SACS: variants seen among roughly 807,000 people sequenced by gnomAD.
SACS encodes sacsin.
A neutral mutation model predicts 348.0 loss-of-function variants in SACS; 197 were observed. The ratio of observed to expected loss-of-function variants is 0.57; its 90% CI spans 0.50 to 0.64. The LOEUF (loss-of-function observed/expected upper bound fraction) is 0.64, where lower values mean the gene tolerates loss of function less well. Among genes scored for constraint, SACS ranks in the 30% least tolerant of loss-of-function variants. The pLI, the probability that SACS is intolerant of heterozygous loss-of-function variation, is 0.00. For synonymous variants in SACS, 1,985 were observed against 1,910.6 expected (o/e 1.04, Z -1.02); for missense variants, 4,999 against 5,360.8 (o/e 0.93, Z 2.11).
intron 6 of SACS, among the ~76,000 whole-genome samples, chr13:23,360,426 C>G (rs964855716): frequency 4.0e-5 from 6 of 148,354 alleles, no homozygotes; most frequent in Admixed American, 6.7e-5. Flanking sequence ...AGTCACAACA[C>G]TGAACACCAG....
chr13:23,402,988 G>A (rs9550970), intron 2 of SACS, among the ~76,000 whole-genome samples: 58,308 of 151,478 alleles, frequency 0.38, 11,670 homozygotes, highest in East Asian at 0.55. Context: ...CAGCCTGGCC[G>A]ACATGATGAA....
intron 1 of SACS, chr13:23,428,788 C>G (rs940396733): frequency 1.1e-4 from 17 of 152,216 alleles, no homozygotes; most frequent in Non-Finnish European, 5.9e-5. Context: ...CTGAAAGTTG[C>G]TCAAGAATAT....
At position 23,341,174 on chromosome 13, in the gene SACS, T is replaced by C; in HGVS notation, c.2702A>G (p.Asp901Gly). Residue 901 changes from aspartate to glycine, a missense_variant, in exon 10 of 10, where the codon GAT becomes GGT. Coordinates refer to ENST00000382292, the MANE Select transcript of SACS (RefSeq NM_014363.6). ...QITSLLPTHK[D>G]ALRKFLASLT... is the part of the protein sequence containing the mutation. ...ACTAGCCAAGAACTTCCTCAGGGCA[T>C]CTTTGTGTGTTGGAAGTAGCGAAGT... 1 of 1,613,520 alleles carries C rather than the reference T, an allele frequency of 6.2e-7. No individual in the cohort carries two copies. The highest frequency in any genetic ancestry group is 8.5e-7 in the Non-Finnish European group (1 of 1,180,018).
At chr13:23,343,745 G>A (rs188287766) in intron 9 of SACS, among the ~76,000 whole-genome samples, 1 of 152,282 alleles carries the variant, frequency 6.6e-6, no homozygotes, top group Admixed American at 6.5e-5. Flanking sequence ...TCCCGCCTCA[G>A]GCTCTGGAAA....
intron 6 of SACS, among the ~76,000 whole-genome samples, chr13:23,360,611 C>G (rs747354143): frequency 2.0e-5 from 3 of 152,278 alleles, no homozygotes; most frequent in Middle Eastern, 3.4e-3. Context: ...GAAAACTGGA[C>G]AGCTGACCGC....
In SACS at chr13:23,362,783, G is replaced by A. The variant is rs567671168; in HGVS notation, c.457+2383C>T. 2.0e-5 allele frequency among the ~76,000 whole-genome samples: 3 copies of A among 151,696 alleles called. No homozygotes were observed. In the South Asian group the frequency reaches 6.3e-4, roughly 32 times the overall value. On this transcript the variant is annotated intron_variant, in intron 6 of 9. Coordinates refer to ENST00000382292, the MANE Select transcript of SACS (RefSeq NM_014363.6). ...GTATTTTTAGTAGAAACAGGGTTTC[G>A]CCATGTTGACCAGGCTGGTTTCAAA...
In SACS at chr13:23,336,169, C is replaced by T. The variant is rs1314339192; in HGVS notation, c.7707G>A (p.Gln2569=). 6.2e-7 allele frequency: 1 copy of T among 1,613,904 alleles called. No individual in the cohort carries two copies. Among genetic ancestry groups the T allele is most frequent in the Admixed American group, 1.7e-5 (1 of 60,002 alleles). ...TEICFVFDPR[Q]HPVDRIFDDK... ...CATCAAATATTCTATCAACTGGATG[C>T]TGTCTAGGATCAAACACAAAACAGA... Residue 2569 remains glutamine, a synonymous_variant, in exon 10 of 10, where the codon CAG becomes CAA. Transcript: ENST00000382292.
At position 23,354,881 on chromosome 13, in the gene SACS, G is replaced by C. The variant is rs757746157; in HGVS notation, c.1731C>G (p.Phe577Leu). The change falls in exon 8 of 10, where the codon TTC (phenylalanine) becomes TTG (leucine). Residue 577 changes from phenylalanine (F) to leucine (L), a missense_variant. Coordinates refer to ENST00000382292, the MANE Select transcript of SACS (RefSeq NM_014363.6). ...ATTCTAAATTTTCATCAAGTTCTGA[G>C]AAGTACACCTGCTCCAACCTGACCC... is the stretch of plus-strand genomic sequence containing the variant. ...CDWVRLEQVYFSELDENLEYT... is the reference protein window; with the variant it reads ...CDWVRLEQVYLSELDENLEYT... 14 of 1,614,196 alleles carry C rather than the reference G, an allele frequency of 8.7e-6. 1 individual carries two copies. In the South Asian group the frequency reaches 1.5e-4, roughly 18 times the overall value.
chr13:23,393,770 A>T (rs1160889389), intron 2 of SACS, among the ~76,000 whole-genome samples: 51 of 149,448 alleles, frequency 3.4e-4, no homozygotes, highest in African/African-American at 1.1e-3. Flanking sequence ...ATTTTTTTTT[A>T]TTTTTTTTGA....
chr13:23,375,465 T>C (rs1871715693), intron 2 of SACS, 196 bp from the exon 3 acceptor site: 3 of 1,169,788 alleles, frequency 2.6e-6, no homozygotes, highest in Non-Finnish European at 2.1e-6. Context: ...GAGGGCGGGA[T>C]CCGCATGGCG....
At chr13:23,395,270 C>T (rs950466066) in intron 2 of SACS, among the ~76,000 whole-genome samples, 6 of 152,242 alleles carry the variant, frequency 3.9e-5, no homozygotes, top group African/African-American at 1.4e-4. Flanking sequence ...GTCACTGAAA[C>T]CCCCCTTCTC....
At chr13:23,402,091 T>A (rs993210603) in intron 2 of SACS, among the ~76,000 whole-genome samples, 2 of 149,712 alleles carry the variant, frequency 1.3e-5, no homozygotes, top group African/African-American at 4.9e-5. Context: ...GGCAGGAGAA[T>A]GGCATGAACC....
At chr13:23,428,327 A>G (rs1047103666) in intron 1 of SACS, 1 of 152,246 alleles carries the variant, frequency 6.6e-6, no homozygotes, top group Non-Finnish European at 1.5e-5. Context: ...CGAAGTAATC[A>G]TCTCACTCTC....
intron 5 of SACS, 54 bp downstream of exon 5, chr13:23,368,348 C>G: frequency 6.8e-6 from 9 of 1,318,834 alleles, no homozygotes; most frequent in Non-Finnish European, 9.6e-6. Context: ...AGTAAATTTA[C>G]TTCATCTCAT....
intron 2 of SACS, among the ~76,000 whole-genome samples, chr13:23,403,407 A>G (rs568322726): frequency 3.3e-5 from 5 of 152,230 alleles, no homozygotes; most frequent in African/African-American, 9.6e-5. Flanking sequence ...GCAGGCTATT[A>G]ATTTCTGCCT....
In SACS at chr13:23,341,035, A is replaced by C; in HGVS notation, c.2841T>G (p.Cys947Trp). Residue 947 changes from cysteine to tryptophan, a missense_variant, in exon 10 of 10, where the codon TGT becomes TGG. Around this residue, in one of 6 missense-constraint regions of SACS, gnomAD observed 3,156 missense variants for 3,380.1 expected, o/e 0.93. Transcript: ENST00000382292. ...GTTTGGCAGTATGGTGTAAGACTTTACAACCTTTCAATTTTGTATAAGAGG... is the reference window on the plus strand; with the variant it reads ...GTTTGGCAGTATGGTGTAAGACTTTCCAACCTTTCAATTTTGTATAAGAGG... ...GISSYTKLKG[C>W]KVLHHTAKLP... 6.2e-7 allele frequency: 1 copy of C among 1,614,128 alleles called. No individual in the cohort carries two copies. Among genetic ancestry groups the C allele is most frequent in the South Asian group, 1.1e-5 (1 of 91,070 alleles).
At chr13:23,344,282 T>C (rs753928890) in intron 9 of SACS, among the ~76,000 whole-genome samples, 6 of 152,216 alleles carry the variant, frequency 3.9e-5, no homozygotes, top group Admixed American at 2.6e-4. Context: ...ATGCATTCCA[T>C]AGATAATCTT....
chr13:23,332,848 T>TG lies in SACS; in HGVS notation c.11027dup (p.Leu3677ThrfsTer19). On this transcript the variant is annotated frameshift_variant, in exon 10 of 10. Coordinates refer to ENST00000382292, the MANE Select transcript of SACS (RefSeq NM_014363.6). LOFTEE classifies it high-confidence loss of function. ...CTCCATTGAACTTTATAAGAGGAAG[T>TG]GTTCCATTTACCTCTTGATATTGAG... The TG allele has an allele frequency of 6.2e-7, 1 of 1,613,776 alleles. No homozygotes were observed. Among genetic ancestry groups the TG allele is most frequent in the Non-Finnish European group, 8.5e-7 (1 of 1,179,854 alleles).
chr13:23,385,629 A>T (rs956322398), intron 2 of SACS, among the ~76,000 whole-genome samples: 6 of 152,116 alleles, frequency 3.9e-5, no homozygotes, highest in Admixed American at 2.6e-4. Flanking sequence ...AAGTGCTAGG[A>T]CTACAGGCAT....
Sources: gnomAD v4.1 joint callset for allele counts (sites outside exome capture counted in the v4.1 genomes callset) on GRCh38, gnomAD v4.1.1 for gene constraint, gnomAD v4.1.1 regional missense constraint, MANE v1.5 for transcripts, NCBI Gene and HGNC (gene_info 2026-07-23, HGNC 2026-07-21) for gene names.